Variants in RPA1 observed in about 807,000 individuals in gnomAD.
RPA1 encodes replication protein A1, also known as replication protein A 70 kDa DNA-binding subunit.
In RPA1, 49 loss-of-function variants were observed where a neutral mutation model predicts 83.0. That is an observed-to-expected ratio of 0.59 (90% confidence interval 0.47 to 0.75). RPA1 has a LOEUF of 0.75. Ranked by LOEUF, RPA1 falls within the 30% of genes least tolerant of loss-of-function variation. RPA1 has a pLI of 0.00. For synonymous variants in RPA1, 279 were observed against 281.8 expected (o/e 0.99, Z 0.10); for missense variants, 693 against 776.1 (o/e 0.89, Z 1.27).
chr17:1,837,166 G>A (rs1178328950), intron 1 of RPA1, among the ~76,000 whole-genome samples: 3 of 151,914 alleles, frequency 2.0e-5, no homozygotes, highest in South Asian at 2.1e-4. Flanking sequence ...ATGGAGTCTT[G>A]GTGTGTTGTC....
intron 5 of RPA1, among the ~76,000 whole-genome samples, chr17:1,856,763 C>T (rs1713669110): frequency 6.6e-6 from 1 of 151,382 alleles, no homozygotes; most frequent in Non-Finnish European, 1.5e-5. Flanking sequence ...AACTCCTGCC[C>T]TCAAGTGATC....
chr17:1,868,597 C>T (rs1913270771), intron 5 of RPA1, among the ~76,000 whole-genome samples: 1 of 152,006 alleles, frequency 6.6e-6, no homozygotes, highest in Admixed American at 6.6e-5. Flanking sequence ...ATGGTGAAAC[C>T]CTATCTCTAT....
At chr17:1,843,830 A>G in intron 2 of RPA1, 90 bp from the exon 3 acceptor site, 3 of 976,866 alleles carry the variant, frequency 3.1e-6, no homozygotes, top group Non-Finnish European at 4.8e-6. Flanking sequence ...TGTTGAACTA[A>G]TGGCAAACCC....
intron 5 of RPA1, among the ~76,000 whole-genome samples, chr17:1,853,836 A>T (rs1912590234): frequency 6.6e-6 from 1 of 152,246 alleles, no homozygotes; most frequent in Non-Finnish European, 1.5e-5. Flanking sequence ...GTTTTTAAAA[A>T]GTGTGAAGCA....
chr17:1,845,367 T>C (rs1160649184), intron 4 of RPA1, among the ~76,000 whole-genome samples: 2 of 149,242 alleles, frequency 1.3e-5, no homozygotes, highest in Admixed American at 6.7e-5. Flanking sequence ...GCCCTGTCTC[T>C]ACAAAAAAAA....
At chr17:1,865,777 G>T (rs1232091150) in intron 5 of RPA1, among the ~76,000 whole-genome samples, 1 of 152,096 alleles carries the variant, frequency 6.6e-6, no homozygotes, top group Non-Finnish European at 1.5e-5. Context: ...ACACTATCGT[G>T]TCTTTTTCTC....
chr17:1,851,376 G>C (rs1218876982), intron 4 of RPA1, among the ~76,000 whole-genome samples: 3 of 152,186 alleles, frequency 2.0e-5, no homozygotes, highest in Admixed American at 6.5e-5. Context: ...GAATCTGTAG[G>C]CTCTGCGTCT....
At chr17:1,880,873 AC>A (rs919691895) in intron 12 of RPA1, among the ~76,000 whole-genome samples, 182 bp downstream of exon 12, 10 of 152,112 alleles carry the variant, frequency 6.6e-5, no homozygotes, top group African/African-American at 2.4e-4. Flanking sequence ...AAACGGACAA[AC>A]CTGTAATCCC....
At chr17:1,885,616 T>A (rs1165460852) in intron 13 of RPA1, among the ~76,000 whole-genome samples, 1 of 152,132 alleles carries the variant, frequency 6.6e-6, no homozygotes, top group Non-Finnish European at 1.5e-5. Context: ...TAATTGTATT[T>A]TTTGTAGAGA....
chr17:1,836,324 G>A (rs1239225007), intron 1 of RPA1, among the ~76,000 whole-genome samples: 2 of 151,972 alleles, frequency 1.3e-5, no homozygotes, highest in African/African-American at 4.8e-5. Context: ...TGGCCAGGCT[G>A]GTCTCGAACT....
intron 11 of RPA1, among the ~76,000 whole-genome samples, chr17:1,880,074 T>C (rs1597451968): frequency 8.9e-6 from 1 of 111,830 alleles, no homozygotes; most frequent in South Asian, 3.2e-4. Context: ...GCTCCTGGGG[T>C]TGGGGGAGGG....
chr17:1,857,909 G>A, intron 5 of RPA1: 1 of 1,554,840 alleles, frequency 6.4e-7, no homozygotes, highest in Non-Finnish European at 8.8e-7. Context: ...CTGCTCCAAG[G>A]AGATCTGAAA....
chr17:1,870,010 A>G (rs541398369), intron 5 of RPA1, among the ~76,000 whole-genome samples: 45 of 152,236 alleles, frequency 3.0e-4, no homozygotes, highest in African/African-American at 1.1e-3. Flanking sequence ...ACAGTTAACA[A>G]TTACCTAGAT....
At chr17:1,863,274 C>G (rs1457056341) in intron 5 of RPA1, among the ~76,000 whole-genome samples, 2 of 151,558 alleles carry the variant, frequency 1.3e-5, no homozygotes, top group Non-Finnish European at 2.9e-5. Context: ...TGCAATGGCA[C>G]AATCTCGGCT....
At chr17:1,853,215 G>C in intron 5 of RPA1, 26 bp downstream of exon 5, 1 of 1,517,398 alleles carries the variant, frequency 6.6e-7, no homozygotes, top group African/African-American at 1.4e-5. Context: ...GTAGGTTGTA[G>C]CACTCAAATG....
At position 1,888,837 on chromosome 17, in the gene RPA1, C is replaced by T. The variant is rs768334170; in HGVS notation, c.1537C>T (p.Arg513Cys). The change falls in exon 14 of 17, where the codon CGC becomes TGC. Residue 513 changes from arginine to cysteine, a missense_variant. Transcript: ENST00000254719. ...CACCGAATTTCCCAATTTCAAGTACCGCATGATCCTGTCAGTAAGTAGCCT... is the reference window on the plus strand; with the variant it reads ...CACCGAATTTCCCAATTTCAAGTACTGCATGATCCTGTCAGTAAGTAGCCT... ...CDTEFPNFKY[R>C]MILSVNIADF... The T allele has an allele frequency of 6.8e-6, 11 of 1,613,254 alleles. No individual in the cohort carries two copies. The highest frequency in any genetic ancestry group is 3.3e-4 in the Middle Eastern group (2 of 6,080).
At position 1,880,620 on chromosome 17, in the gene RPA1, C is replaced by T; in HGVS notation, c.1170C>T (p.Ser390=). The T allele has an allele frequency of 6.2e-7, 1 of 1,613,988 alleles. No homozygotes were observed. Among genetic ancestry groups the T allele is most frequent in the Non-Finnish European group, 8.5e-7 (1 of 1,179,978 alleles). Residue 390 remains serine (S), a synonymous_variant, in exon 12 of 17, where the codon AGC becomes AGT. Coordinates refer to ENST00000254719, the MANE Select transcript of RPA1 (RefSeq NM_002945.5). ...GARVSDFGGR[S]LSVLSSSTII... The stretch of plus-strand genomic sequence containing the variant: ...GAGTCTCTGATTTCGGTGGACGGAG[C>T]CTCTCCGTGCTGTCTTCAAGCACTA...
Position 1,897,197 on chromosome 17 carries a change from A to G in RPA1, c.*22A>G. On this transcript the variant is annotated 3_prime_UTR_variant, in exon 17 of 17. Coordinates refer to ENST00000254719, the MANE Select transcript of RPA1 (RefSeq NM_002945.5). Reference sequence around the variant, plus strand: ...GTGAGAGGAGCAGTGCCAATCGGGCAGAAGTTTGCAAATAGGCAGAATGGA... The same window carrying G: ...GTGAGAGGAGCAGTGCCAATCGGGCGGAAGTTTGCAAATAGGCAGAATGGA... 4.6e-6 allele frequency: 7 copies of G among 1,520,178 alleles called. No homozygotes were observed. Among genetic ancestry groups the G allele is most frequent in the Non-Finnish European group, 6.2e-6 (7 of 1,123,066 alleles). The allele number at this position is 1,520,178 out of a possible 1,614,324, so 94.2% of individuals were successfully genotyped here.
chr17:1,847,806 G>C (rs1204593047), intron 4 of RPA1, among the ~76,000 whole-genome samples: 1 of 151,804 alleles, frequency 6.6e-6, no homozygotes, highest in East Asian at 1.9e-4. Flanking sequence ...CAGATCACAA[G>C]GACAGGAGAT....
Sources: gnomAD v4.1 joint callset for allele counts (sites outside exome capture counted in the v4.1 genomes callset) on GRCh38, gnomAD v4.1.1 for gene constraint, MANE v1.5 for transcripts, NCBI Gene and HGNC (gene_info 2026-07-23, HGNC 2026-07-21) for gene names.